The following RAB38 variants were observed in gnomAD, a reference collection of about 807,000 sequenced individuals.
RAB38 encodes the protein RAB38, member RAS oncogene family.
Under a neutral mutation model 18.4 loss-of-function variants are expected in RAB38, and 15 were observed. The observed-to-expected ratio is 0.82, with a 90% confidence interval of 0.55 to 1.26. The LOEUF (loss-of-function observed/expected upper bound fraction) is 1.26. Among genes scored for constraint, RAB38 ranks in the 50% most tolerant of loss-of-function variants. The probability of loss-of-function intolerance (pLI) is 0.00; values close to 1 mark genes in which losing one functional copy is unlikely to be tolerated. For synonymous variants in RAB38, 101 were observed against 104.4 expected (o/e 0.97, Z 0.20); for missense variants, 294 against 267.4 (o/e 1.10, Z -0.69).
chr11:87,823,707 T>TA, the RAB38 span, among the ~76,000 whole-genome samples: 1 of 152,220 alleles, frequency 6.6e-6, no homozygotes, highest in Admixed American at 6.5e-5. Context: ...GTAGCAATTT[T>TA]ATTCATAGTA....
At chr11:88,173,715 A>T (rs1943340211) in intron 1 of RAB38, 2 of 979,798 alleles carry the variant, frequency 2.0e-6, no homozygotes, top group Non-Finnish European at 1.2e-6. Flanking sequence ...CACAGAGAGA[A>T]TTTTTTTAGA....
At chr11:87,908,650 CA>C in the RAB38 span, among the ~76,000 whole-genome samples, 12 of 151,886 alleles carry the variant, frequency 7.9e-5, no homozygotes, top group African/African-American at 2.9e-4. Flanking sequence ...CAGGTTGAGT[CA>C]TTTTTTTTAA....
At chr11:88,015,560 G>T in the RAB38 span, among the ~76,000 whole-genome samples, 2 of 152,106 alleles carry the variant, frequency 1.3e-5, no homozygotes, top group Non-Finnish European at 2.9e-5. Flanking sequence ...TCAGGATATG[G>T]AAATGTGTTA....
At chr11:88,013,019 A>G in the RAB38 span, among the ~76,000 whole-genome samples, 1 of 152,156 alleles carries the variant, frequency 6.6e-6, no homozygotes, top group Non-Finnish European at 1.5e-5. Flanking sequence ...CTGTTTTCTC[A>G]TGTGCAAAAT....
the RAB38 span, among the ~76,000 whole-genome samples, chr11:87,960,195 T>C: frequency 6.6e-6 from 1 of 152,200 alleles, no homozygotes; most frequent in Admixed American, 6.6e-5. Flanking sequence ...CAGAACCACC[T>C]GGAAAGCTTA....
chr11:88,037,449 C>A, the RAB38 span, among the ~76,000 whole-genome samples: 2 of 151,998 alleles, frequency 1.3e-5, no homozygotes, highest in African/African-American at 4.8e-5. Context: ...AATTTGAGTA[C>A]AATAAAGTGT....
At chr11:88,014,517 G>T in the RAB38 span, among the ~76,000 whole-genome samples, 560 of 152,234 alleles carry the variant, frequency 3.7e-3, 5 homozygotes, top group Admixed American at 4.7e-3. Flanking sequence ...TTCAGAAGTG[G>T]CAGAGTTGAG....
chr11:87,945,994 G>A, the RAB38 span, among the ~76,000 whole-genome samples: 2 of 152,112 alleles, frequency 1.3e-5, no homozygotes, highest in East Asian at 3.8e-4. Context: ...CCTTTTCAGA[G>A]ATGCAGAAGC....
At chr11:87,869,355 T>C in the RAB38 span, among the ~76,000 whole-genome samples, 20 of 151,564 alleles carry the variant, frequency 1.3e-4, no homozygotes, top group Middle Eastern at 3.2e-3. Flanking sequence ...AAAACTGAGA[T>C]TCAGAGAAAT....
chr11:88,134,544 C>T (rs1472245896), intron 2 of RAB38, among the ~76,000 whole-genome samples: 1 of 152,148 alleles, frequency 6.6e-6, no homozygotes, highest in East Asian at 1.9e-4. Context: ...CACCTGGCCG[C>T]CAATTCTATT....
downstream of RAB38, among the ~76,000 whole-genome samples, chr11:88,111,507 T>C (rs755361387): frequency 2.0e-5 from 3 of 152,190 alleles, no homozygotes; most frequent in Admixed American, 6.5e-5. Flanking sequence ...CCTCCAATTA[T>C]GGAAAACCTG....
rs1196966340 is a variant in RAB38, at chr11:88,149,741, A to G, written c.417T>C (p.Asn139=). ...CDQGKDVLMN[N]GLKMDQFCKE... Reference sequence around the variant, plus strand: ...TGCAGAACTGGTCCATCTTGAGGCCATTGTTCATGAGCACATCCTTCCCCT... The same window carrying G: ...TGCAGAACTGGTCCATCTTGAGGCCGTTGTTCATGAGCACATCCTTCCCCT... Residue 139 remains asparagine, a synonymous_variant, in exon 2 of 3, where the codon AAT becomes AAC. Coordinates refer to ENST00000243662, the MANE Select transcript of RAB38 (RefSeq NM_022337.3). 6.2e-7 allele frequency: 1 copy of G among 1,614,172 alleles called. No individual in the cohort carries two copies. Among genetic ancestry groups the G allele is most frequent in the East Asian group, 2.2e-5 (1 of 44,878 alleles).
chr11:87,913,682 C>CA, the RAB38 span, among the ~76,000 whole-genome samples: 4,336 of 152,190 alleles, frequency 0.028, 88 homozygotes, highest in Non-Finnish European at 0.045. Flanking sequence ...TTGCTGTTCT[C>CA]ACGGTAGTCT....
chr11:88,006,274 C>G, the RAB38 span, among the ~76,000 whole-genome samples: 1,078 of 151,418 alleles, frequency 7.1e-3, 6 homozygotes, highest in Non-Finnish European at 0.013. Flanking sequence ...CGAAAGATGA[C>G]AAGTGTTAGC....
chr11:87,916,816 C>T, the RAB38 span, among the ~76,000 whole-genome samples: 1 of 152,088 alleles, frequency 6.6e-6, no homozygotes, highest in African/African-American at 2.4e-5. Context: ...TGACTTCTAA[C>T]TTTTTTGAAC....
At chr11:87,931,765 G>A in the RAB38 span, among the ~76,000 whole-genome samples, 1 of 152,030 alleles carries the variant, frequency 6.6e-6, no homozygotes, top group Non-Finnish European at 1.5e-5. Flanking sequence ...TTCCTTAGCT[G>A]GTACACCAAA....
At chr11:88,159,234 T>TAAATAAATAAATAAAA (rs1429776111) in intron 1 of RAB38, among the ~76,000 whole-genome samples, 9 of 139,002 alleles carry the variant, frequency 6.5e-5, no homozygotes, top group Admixed American at 1.4e-4. Context: ...AATAAATAAA[T>TAAATAAATAAATAAAA]AAAAATAAAA....
chr11:88,017,388 A>AAG, the RAB38 span, among the ~76,000 whole-genome samples: 18 of 150,248 alleles, frequency 1.2e-4, no homozygotes, highest in Admixed American at 2.7e-4. Context: ...CACAAACGCA[A>AAG]AGAGAGAGAG....
chr11:88,081,616 C>T, the RAB38 span, among the ~76,000 whole-genome samples: 1 of 151,938 alleles, frequency 6.6e-6, no homozygotes, highest in Admixed American at 6.6e-5. Context: ...ACATAGCCTT[C>T]TCCCCTCTGT....
Sources: allele counts gnomAD v4.1 joint callset (sites outside exome capture counted in the v4.1 genomes callset), GRCh38; gene constraint gnomAD v4.1.1; transcripts MANE v1.5; gene names NCBI Gene and HGNC (gene_info 2026-07-23, HGNC 2026-07-21).